Variants in ROBO2 observed in about 807,000 individuals in gnomAD.
ROBO2 encodes roundabout guidance receptor 2.
A neutral mutation model predicts 160.8 loss-of-function variants in ROBO2; 53 were observed. The observed-to-expected ratio is 0.33, with a 90% CI of 0.26 to 0.41. The LOEUF is 0.41. Ranked by LOEUF, ROBO2 falls within the 10% of genes least tolerant of loss-of-function variation. ROBO2 has a pLI of 1.00. For missense variants in ROBO2, 1,577 were observed against 1,722.4 expected (o/e 0.92, Z 1.49); for synonymous variants, 664 against 611.7 (o/e 1.09, Z -1.26).
At chr3:75,974,016 G>C (rs1410048813) in intron 2 of ROBO2, among the ~76,000 whole-genome samples, 1 of 150,728 alleles carries the variant, frequency 6.6e-6, no homozygotes, top group Admixed American at 6.7e-5. Flanking sequence ...TAATATAGAA[G>C]GAAGGGGTAA....
intron 2 of ROBO2, among the ~76,000 whole-genome samples, chr3:76,256,299 G>GTCTC (rs372215718): frequency 0.017 from 1,585 of 92,500 alleles, 39 homozygotes; most frequent in Non-Finnish European, 0.024. Flanking sequence ...GACAGAGTGA[G>GTCTC]TCTCTCTCTC....
intron 2 of ROBO2, among the ~76,000 whole-genome samples, chr3:76,644,437 C>T (rs1048376958): frequency 6.6e-6 from 1 of 152,210 alleles, no homozygotes; most frequent in Non-Finnish European, 1.5e-5. Context: ...ACCTCTGCCA[C>T]AGCTCTATCT....
intron 2 of ROBO2, among the ~76,000 whole-genome samples, chr3:76,400,349 A>C (rs2077741778): frequency 6.6e-6 from 1 of 151,532 alleles, no homozygotes; most frequent in Non-Finnish European, 1.5e-5. Context: ...CATGAAAGTG[A>C]CTCACCCAAA....
chr3:77,586,073 A>G (rs2094039614), intron 16 of ROBO2, among the ~76,000 whole-genome samples: 1 of 152,218 alleles, frequency 6.6e-6, no homozygotes, highest in East Asian at 1.9e-4. Flanking sequence ...TAATTAAAAC[A>G]TTGTAAAAAT....
intron 2 of ROBO2, among the ~76,000 whole-genome samples, chr3:76,620,684 G>T (rs1050948803): frequency 2.6e-5 from 4 of 152,052 alleles, no homozygotes. Flanking sequence ...GTACATATCT[G>T]TATAGCTATT....
At chr3:77,506,439 A>T (rs1432919961) in intron 5 of ROBO2, among the ~76,000 whole-genome samples, 1 of 152,036 alleles carries the variant, frequency 6.6e-6, no homozygotes, top group African/African-American at 2.4e-5. Flanking sequence ...AACAATCCTA[A>T]ATATCCAGTC....
chr3:77,592,706 T>G (rs940235426), intron 17 of ROBO2, among the ~76,000 whole-genome samples: 11 of 151,902 alleles, frequency 7.2e-5, no homozygotes, highest in Non-Finnish European at 1.6e-4. Context: ...CACTTGCCAC[T>G]GCGCCCGGCT....
At chr3:77,016,167 G>A (rs1271188706) in intron 2 of ROBO2, among the ~76,000 whole-genome samples, 1 of 151,882 alleles carries the variant, frequency 6.6e-6, no homozygotes, top group African/African-American at 2.4e-5. Context: ...TAGTAGAGAC[G>A]GGGTTTCACC....
chr3:77,188,162 A>G (rs1264734813), intron 2 of ROBO2, among the ~76,000 whole-genome samples: 2 of 151,894 alleles, frequency 1.3e-5, no homozygotes, highest in Non-Finnish European at 2.9e-5. Context: ...ACTAAAAAAA[A>G]GAAAGAGACA....
intron 2 of ROBO2, among the ~76,000 whole-genome samples, chr3:76,068,019 G>A (rs1326133611): frequency 6.6e-6 from 1 of 152,190 alleles, no homozygotes; most frequent in Non-Finnish European, 1.5e-5. Flanking sequence ...AATATGTCAT[G>A]TATTGGTAAG....
chr3:76,739,657 A>G (rs1055888497), intron 2 of ROBO2, among the ~76,000 whole-genome samples: 2 of 152,148 alleles, frequency 1.3e-5, no homozygotes, highest in African/African-American at 4.8e-5. Flanking sequence ...TGGTTGATGT[A>G]TTTTCTTGCT....
At chr3:77,574,702 A>G in exon 14 of ROBO2, 4 of 1,613,116 alleles carry the variant, frequency 2.5e-6, no homozygotes, top group Non-Finnish European at 3.4e-6. Flanking sequence ...TGGATAGTGA[A>G]TCTAAAACGG....
At chr3:77,266,841 G>T (rs1300961134) in intron 2 of ROBO2, among the ~76,000 whole-genome samples, 1 of 152,082 alleles carries the variant, frequency 6.6e-6, no homozygotes, top group Non-Finnish European at 1.5e-5. Context: ...TAAGCATGTT[G>T]TTGCCTTGCT....
At chr3:77,367,974 A>G (rs1317050357) in intron 2 of ROBO2, among the ~76,000 whole-genome samples, 1 of 152,194 alleles carries the variant, frequency 6.6e-6, no homozygotes, top group Non-Finnish European at 1.5e-5. Context: ...ATTTTAACTT[A>G]TGAAATTATA....
intron 2 of ROBO2, among the ~76,000 whole-genome samples, chr3:76,109,421 A>C (rs76258963): frequency 0.06 from 9,191 of 152,010 alleles, 391 homozygotes; most frequent in Non-Finnish European, 0.097. Flanking sequence ...ACTACTACTA[A>C]TAATACCATA....
At chr3:75,976,327 A>T (rs948941945) in intron 2 of ROBO2, among the ~76,000 whole-genome samples, 5 of 151,620 alleles carry the variant, frequency 3.3e-5, no homozygotes, top group Non-Finnish European at 7.4e-5. Flanking sequence ...AGAAGAGATG[A>T]ATTAATTATT....
intron 2 of ROBO2, among the ~76,000 whole-genome samples, chr3:76,251,807 A>T (rs1389333280): frequency 6.6e-6 from 1 of 151,934 alleles, no homozygotes. Flanking sequence ...TTAAAATGTG[A>T]CTCCTTAAAG....
intron 2 of ROBO2, among the ~76,000 whole-genome samples, chr3:77,286,054 C>T (rs2060570047): frequency 6.6e-6 from 1 of 151,992 alleles, no homozygotes; most frequent in South Asian, 2.1e-4. Context: ...TTATTTTGTG[C>T]AAACTTTCAT....
At chr3:77,066,719 CTT>C in intron 1 of ROBO2, among the ~76,000 whole-genome samples, 1 of 151,854 alleles carries the variant, frequency 6.6e-6, no homozygotes, top group East Asian at 1.9e-4. Context: ...GTTTTAAACA[CTT>C]TTTGATAGTA....
Sources: gnomAD v4.1 joint callset for allele counts (sites outside exome capture counted in the v4.1 genomes callset) on GRCh38, gnomAD v4.1.1 for gene constraint, MANE v1.5 for transcripts, NCBI Gene and HGNC (gene_info 2026-07-23, HGNC 2026-07-21) for gene names.